The following ATAD3B variants were observed in gnomAD, a reference collection of about 807,000 sequenced individuals.
ATAD3B encodes the protein ATPase family AAA domain containing 3B.
A neutral mutation model predicts 70.2 loss-of-function variants in ATAD3B; 59 were observed. The observed-to-expected ratio is 0.84, with a 90% CI of 0.68 to 1.04. ATAD3B has a LOEUF of 1.04. Among genes scored for constraint, ATAD3B ranks in the 50% least tolerant of loss-of-function variants. ATAD3B has a pLI of 0.00. For synonymous variants in ATAD3B, 423 were observed against 388.6 expected (o/e 1.09, Z -1.04); for missense variants, 961 against 913.4 (o/e 1.05, Z -0.67).
Position 1,478,430 on chromosome 1 carries a change from C to T in ATAD3B, c.283-214C>T, listed in dbSNP as rs1232872350. 9.1e-5 allele frequency: 139 copies of T among 1,520,368 alleles called. 1 individual carries two copies. Among genetic ancestry groups the T allele is most frequent in the Non-Finnish European group, 1.1e-4 (125 of 1,129,806 alleles). 94.2% of individuals were successfully genotyped at this position (1,520,368 alleles called of 1,614,324 possible). ...TCTGACCTCCCTCCCCGGGGGCCTTCGCAGGCTTCTCTGCTGGTGCTTCTG... is the reference window on the plus strand; with the variant it reads ...TCTGACCTCCCTCCCCGGGGGCCTTTGCAGGCTTCTCTGCTGGTGCTTCTG... On this transcript the variant is annotated intron_variant, in intron 2 of 15. Coordinates refer to ENST00000673477, the MANE Select transcript of ATAD3B (RefSeq NM_031921.6).
chr1:1,490,503 T>G, intron 14 of ATAD3B, 60 bp from the exon 15 acceptor site: 1 of 1,611,032 alleles, frequency 6.2e-7, no homozygotes, highest in South Asian at 1.1e-5. Context: ...TCTTCCGGCC[T>G]CCACCTCATG....
At chr1:1,477,153 C>A (rs1367429664) in intron 1 of ATAD3B, 121 bp from the exon 2 acceptor site, 2 of 1,321,086 alleles carry the variant, frequency 1.5e-6, no homozygotes, top group East Asian at 2.5e-5. Flanking sequence ...GGATTACAGG[C>A]GTGAACCACC....
Position 1,496,734 on chromosome 1 carries a change from C to G in ATAD3B, c.*917C>G, listed in dbSNP as rs1046853262. On this transcript the variant is annotated 3_prime_UTR_variant, in exon 16 of 16. Transcript: ENST00000673477. ...TTCTGGGAGCAGAGCGTGGTACCCA[C>G]TGCCTGGCTGGGGCCTACTCTGGGA... 1.3e-5 allele frequency: 2 copies of G among 149,342 alleles called. No homozygotes were observed. The highest frequency in any genetic ancestry group is 5.1e-5 in the African/African-American group (2 of 39,556). 9.3% of individuals were successfully genotyped at this position (149,342 alleles called of 1,614,324 possible).
intron 7 of ATAD3B, chr1:1,484,671 T>C: frequency 3.3e-6 from 1 of 300,736 alleles, no homozygotes; most frequent in Non-Finnish European, 6.0e-6. Flanking sequence ...TTTCCAGGAA[T>C]AAAGTACCAT....
the ATAD3B span, among the ~76,000 whole-genome samples, chr1:1,503,999 T>G: frequency 2.0e-5 from 3 of 152,090 alleles, no homozygotes; most frequent in African/African-American, 4.8e-5. Flanking sequence ...TTTTATGTAT[T>G]TATTTTGAAA....
At position 1,488,387 on chromosome 1, in the gene ATAD3B, G is replaced by A. The variant is rs540596552; in HGVS notation, c.1266+473G>A. On this transcript the variant is annotated intron_variant, in intron 12 of 15. Coordinates refer to ENST00000673477, the MANE Select transcript of ATAD3B (RefSeq NM_031921.6). The stretch of plus-strand genomic sequence containing the variant: ...ATTGCAGAGGCACACTAACACGCCC[G>A]GCTAATTTTTTTGTAACGTTAGTAG... Among the ~76,000 whole-genome samples the A allele has an allele frequency of 3.9e-5, 6 of 152,082 alleles. No homozygotes were observed. The South Asian group carries it at 1.0e-3, about 26-fold the overall frequency.
Position 1,485,159 on chromosome 1 carries a change from G to A in ATAD3B, c.894G>A (p.Arg298=), listed in dbSNP as rs746952012. 1 of 1,610,440 alleles carries A rather than the reference G, an allele frequency of 6.2e-7. No individual in the cohort carries two copies. The highest frequency in any genetic ancestry group is 2.2e-5 in the East Asian group (1 of 44,874). ...TSRITVLEAL[R]HPIQVSRRLL... is the part of the protein sequence containing the mutation. The stretch of plus-strand genomic sequence containing the variant: ...GCATCACGGTGCTGGAGGCGCTGCG[G>A]CACCCCATCCAGGTAGCGGCGCAGG... The change falls in exon 8 of 16, where the codon CGG becomes CGA. Residue 298 remains arginine (R), a synonymous_variant. Coordinates refer to ENST00000673477, the MANE Select transcript of ATAD3B (RefSeq NM_031921.6).
downstream of ATAD3B, among the ~76,000 whole-genome samples, chr1:1,500,784 T>A (rs1486405387): frequency 6.6e-6 from 1 of 150,496 alleles, no homozygotes; most frequent in African/African-American, 2.4e-5. Context: ...AAACCCCGTC[T>A]CTACTAAAAA....
downstream of ATAD3B, among the ~76,000 whole-genome samples, chr1:1,498,874 G>A (rs1186963252): frequency 2.6e-5 from 4 of 151,906 alleles, no homozygotes; most frequent in African/African-American, 7.3e-5. Context: ...AGAAGGGGGC[G>A]TCTCATAGCT....
intron 15 of ATAD3B, among the ~76,000 whole-genome samples, chr1:1,491,673 C>G (rs1286012389): frequency 6.6e-6 from 1 of 151,974 alleles, no homozygotes; most frequent in Admixed American, 6.6e-5. Flanking sequence ...CTCGATCTAG[C>G]AGCGTATTTG....
At chr1:1,489,099 G>T (rs548381107) in intron 12 of ATAD3B, 105 bp from the exon 13 acceptor site, 8 of 1,570,218 alleles carry the variant, frequency 5.1e-6, no homozygotes, top group Non-Finnish European at 6.9e-6. Flanking sequence ...TGAAAGTGTC[G>T]CCACGTCCCT....
chr1:1,484,846 C>G, intron 7 of ATAD3B, 170 bp from the exon 8 acceptor site: 1 of 1,407,116 alleles, frequency 7.1e-7, no homozygotes, highest in Non-Finnish European at 9.4e-7. Flanking sequence ...CCTCCTGTAA[C>G]CGCGTGGCTG....
At chr1:1,489,757 G>T (rs1398762251) in intron 13 of ATAD3B, 12 of 1,306,790 alleles carry the variant, frequency 9.2e-6, no homozygotes, top group African/African-American at 1.5e-5. Context: ...CTTCAGGCAC[G>T]TTGGGCTCCT....
At chr1:1,483,950 A>C (rs1472664865) in intron 7 of ATAD3B, 1 of 152,046 alleles carries the variant, frequency 6.6e-6, no homozygotes, top group Admixed American at 6.6e-5. Context: ...CGCCGGCACC[A>C]CGGCAGAGCA....
chr1:1,483,016 A>AG, intron 7 of ATAD3B: 1 of 458,204 alleles, frequency 2.2e-6, no homozygotes, highest in South Asian at 1.6e-5. Context: ...AAAAATGGCC[A>AG]GGCGGTAGTG....
In ATAD3B at chr1:1,490,139, A is replaced by G. The variant is rs1224293391; in HGVS notation, c.1338-118A>G. Reference sequence around the variant, plus strand: ...TTCTCCCCATGTTTCCTGTGCTCACAAGCTGCCGCTTTAGATTCTCCCAAA... The same window carrying G: ...TTCTCCCCATGTTTCCTGTGCTCACGAGCTGCCGCTTTAGATTCTCCCAAA... On this transcript the variant is annotated intron_variant, in intron 13 of 15. Transcript: ENST00000673477. The G allele has an allele frequency of 1.6e-5, 23 of 1,483,574 alleles. 1 individual carries two copies. Among genetic ancestry groups the G allele is most frequent in the African/African-American group, 1.4e-5 (1 of 70,728 alleles). The allele number at this position is 1,483,574 out of a possible 1,614,324, so 91.9% of individuals were successfully genotyped here.
chr1:1,474,050 G>A (rs1316048460), intron 1 of ATAD3B, among the ~76,000 whole-genome samples: 3 of 152,018 alleles, frequency 2.0e-5, no homozygotes, highest in Non-Finnish European at 4.4e-5. Context: ...ACCACCGACA[G>A]TGCGTGTTCT....
chr1:1,500,942 G>C (rs1468574512), downstream of ATAD3B, among the ~76,000 whole-genome samples: 1 of 152,082 alleles, frequency 6.6e-6, no homozygotes, highest in Non-Finnish European at 1.5e-5. Flanking sequence ...GGGCGACAGA[G>C]TGAGACTCCT....
At chr1:1,484,220 T>C (rs1193885292) in intron 7 of ATAD3B, 3 of 151,586 alleles carry the variant, frequency 2.0e-5, no homozygotes, top group African/African-American at 7.3e-5. Context: ...CACTTTCAAG[T>C]GTGCTGCTCA....
Sources: gnomAD v4.1 joint callset for allele counts (sites outside exome capture counted in the v4.1 genomes callset) on GRCh38, gnomAD v4.1.1 for gene constraint, MANE v1.5 for transcripts, NCBI Gene and HGNC (gene_info 2026-07-23, HGNC 2026-07-21) for gene names.